Variants in UNC13B observed in about 807,000 individuals in gnomAD.
UNC13B encodes the protein protein unc-13 homolog B.
UNC13B carries 144 observed loss-of-function variants against 211.0 expected under a neutral mutation model. The ratio of observed to expected loss-of-function variants is 0.68; its 90% CI spans 0.60 to 0.78. The LOEUF is 0.78. Among genes scored for constraint, UNC13B ranks in the 30% least tolerant of loss-of-function variants. UNC13B has a pLI of 0.00. For synonymous variants in UNC13B, 709 were observed against 725.8 expected (o/e 0.98, Z 0.37); for missense variants, 1,777 against 2,002.0 (o/e 0.89, Z 2.14).
intron 1 of UNC13B, among the ~76,000 whole-genome samples, chr9:35,189,725 AAAGG>A: frequency 6.6e-6 from 1 of 152,292 alleles, no homozygotes; most frequent in East Asian, 1.9e-4. Flanking sequence ...GCTGGAGTGC[AAAGG>A]CGTGATCCCG....
chr9:35,311,289 T>C (rs1830169813), intron 10 of UNC13B, among the ~76,000 whole-genome samples: 1 of 152,210 alleles, frequency 6.6e-6, no homozygotes, highest in Non-Finnish European at 1.5e-5. Context: ...GGGTTCTTTG[T>C]AGTTAGTGAG....
At chr9:35,384,367 G>C (rs990778021) in intron 22 of UNC13B, 53 bp downstream of exon 22, 1 of 1,584,872 alleles carries the variant, frequency 6.3e-7, no homozygotes, top group Admixed American at 1.7e-5. Context: ...CACGGTCCCA[G>C]AGAGACTGTA....
chr9:35,227,981 C>T (rs1386358313), intron 1 of UNC13B, 34 bp from the exon 2 acceptor site: 2 of 1,604,602 alleles, frequency 1.2e-6, no homozygotes, highest in Non-Finnish European at 8.5e-7. Flanking sequence ...AACTTGGAAA[C>T]ATTCTTCATG....
rs1241191215 is a variant in UNC13B, at chr9:35,404,006, G to A, written c.12996G>A (p.Glu4332=). 6 of 1,613,718 alleles carry A rather than the reference G, an allele frequency of 3.7e-6. No individual in the cohort carries two copies. The highest frequency in any genetic ancestry group is 1.3e-5 in the African/African-American group (1 of 74,900). Residue 4332 remains glutamate (E), a synonymous_variant, in exon 40 of 40, where the codon GAG becomes GAA. Coordinates refer to ENST00000635942, the MANE Select transcript of UNC13B (RefSeq NM_001371189.2). ...GAGAATTTGTGAAACTCAAATCAGA[G>A]TCTCGTTCCACGGAGGAGGGGAGCT... ...VAREFVKLKS[E]SRSTEEGS
intron 24 of UNC13B, among the ~76,000 whole-genome samples, chr9:35,389,033 C>T (rs1340489626): frequency 6.6e-6 from 1 of 152,206 alleles, no homozygotes; most frequent in Non-Finnish European, 1.5e-5. Context: ...TTATTAAGGA[C>T]TGTGGAAGCT....
intron 35 of UNC13B, 37 bp downstream of exon 35, chr9:35,399,485 CCTT>C: frequency 1.2e-6 from 2 of 1,613,594 alleles, no homozygotes; most frequent in Non-Finnish European, 1.7e-6. Flanking sequence ...CAGGTGTGGT[CCTT>C]CTGAAGTCAT....
In UNC13B at chr9:35,201,602, GATTTTCTAGTTT is replaced by G. The variant is rs1823295291; in HGVS notation, c.23-26408_23-26397del. The stretch of plus-strand genomic sequence containing the variant: ...TCGAGGAATTTATCCTTTTCCTCTA[GATTTTCTAGTTT>G]ATTTGCATAGAGGTGTTTATATTAT... On this transcript the variant is annotated intron_variant, in intron 1 of 39. Coordinates refer to ENST00000635942, the MANE Select transcript of UNC13B (RefSeq NM_001371189.2). Among the ~76,000 whole-genome samples, 5 of 152,262 alleles carry G rather than the reference GATTTTCTAGTTT, an allele frequency of 3.3e-5. 1 individual carries two copies. In the South Asian group the frequency reaches 1.0e-3, roughly 32 times the overall value.
At chr9:35,326,406 G>T (rs1831020748) in intron 11 of UNC13B, among the ~76,000 whole-genome samples, 1 of 152,112 alleles carries the variant, frequency 6.6e-6, no homozygotes, top group Non-Finnish European at 1.5e-5. Context: ...GGTTTAATTT[G>T]TTAATTTTAG....
intron 11 of UNC13B, among the ~76,000 whole-genome samples, chr9:35,317,667 C>T (rs972605240): frequency 6.7e-6 from 1 of 149,556 alleles, no homozygotes; most frequent in African/African-American, 2.5e-5. Context: ...GGACTACAGG[C>T]GTGGGCCACC....
At position 35,224,260 on chromosome 9, in the gene UNC13B, AT is replaced by A. The variant is rs1379477923; in HGVS notation, c.23-3753del. ...TGGATAATACAGTCATTTTAACAAT[AT>A]TCTTAGAGCCTATTTGCATAGTACG... On this transcript the variant is annotated intron_variant, in intron 1 of 39. Transcript: ENST00000635942. Among the ~76,000 whole-genome samples the A allele has an allele frequency of 2.0e-5, 3 of 152,302 alleles. No homozygotes were observed. In the East Asian group the frequency reaches 5.8e-4, roughly 29 times the overall value.
At position 35,303,926 on chromosome 9, in the gene UNC13B, G is replaced by T; in HGVS notation, c.4522G>T (p.Glu1508Ter). 2.5e-6 allele frequency: 1 copy of T among 398,794 alleles called. No homozygotes were observed. The highest frequency in any genetic ancestry group is 4.4e-6 in the Non-Finnish European group (1 of 225,866). The allele number at this position is 398,794 out of a possible 1,614,324, so 24.7% of individuals were successfully genotyped here. ...ENFVFSSFGY[E>*]YQEWLSCLEH... is the part of the protein sequence containing the mutation. Reference sequence around the variant, plus strand: ...CTTTGTTTTTTCAAGTTTTGGTTATGAGTACCAGGAATGGTTGTCATGTCT... The same window carrying T: ...CTTTGTTTTTTCAAGTTTTGGTTATTAGTACCAGGAATGGTTGTCATGTCT... Residue 1508 changes from glutamate (E) to a stop codon, truncating the protein, a stop_gained, in exon 9 of 40, where the codon GAG (glutamate) becomes TAG (stop). Coordinates refer to ENST00000635942, the MANE Select transcript of UNC13B (RefSeq NM_001371189.2). LOFTEE classifies it high-confidence loss of function.
intron 11 of UNC13B, chr9:35,351,448 T>A: frequency 8.1e-7 from 1 of 1,231,310 alleles, no homozygotes; most frequent in Non-Finnish European, 1.0e-6. Flanking sequence ...GCTGTTGCCT[T>A]CCAAGGTAAT....
intron 1 of UNC13B, among the ~76,000 whole-genome samples, chr9:35,216,729 C>T (rs930511950): frequency 6.6e-6 from 1 of 151,908 alleles, no homozygotes; most frequent in Non-Finnish European, 1.5e-5. Context: ...AAAAAGAAAA[C>T]GGAAAATAGA....
intron 1 of UNC13B, among the ~76,000 whole-genome samples, chr9:35,208,028 T>C (rs1487969582): frequency 1.3e-5 from 2 of 152,230 alleles, no homozygotes; most frequent in Non-Finnish European, 1.5e-5. Flanking sequence ...TTTTACAAAA[T>C]GTATTATGTA....
chr9:35,211,930 C>T (rs1305019968), intron 1 of UNC13B, among the ~76,000 whole-genome samples: 2 of 152,182 alleles, frequency 1.3e-5, no homozygotes, highest in African/African-American at 2.4e-5. Flanking sequence ...GCCTTGAACT[C>T]CTGGGCTCAA....
rs551666848 is a variant in UNC13B, at chr9:35,293,005, C to T, written c.527-2691C>T. On this transcript the variant is annotated intron_variant, in intron 7 of 39. Transcript: ENST00000635942. ...GTGTTACATATTTTCCTGAATTTCC[C>T]TTTTTAGTTTCTAATCAGGCTTGGT... Among the ~76,000 whole-genome samples, 5 of 152,302 alleles carry T rather than the reference C, an allele frequency of 3.3e-5. No homozygotes were observed. The East Asian group carries it at 9.6e-4, about 29-fold the overall frequency.
intron 1 of UNC13B, among the ~76,000 whole-genome samples, chr9:35,187,818 A>G (rs1301509433): frequency 6.6e-6 from 1 of 152,210 alleles, no homozygotes; most frequent in East Asian, 1.9e-4. Context: ...TACTGACTAC[A>G]GGTCAGAAAC....
chr9:35,251,814 G>T (rs1434641983), intron 6 of UNC13B, among the ~76,000 whole-genome samples: 3 of 152,064 alleles, frequency 2.0e-5, no homozygotes, highest in African/African-American at 7.2e-5. Context: ...GATAAGATGT[G>T]CCCATTTGGC....
At chr9:35,351,578 C>T in intron 11 of UNC13B, 1 of 1,232,310 alleles carries the variant, frequency 8.1e-7, no homozygotes, top group Non-Finnish European at 1.0e-6. Context: ...TACCTTGGGA[C>T]CCTCCTCCAG....
Sources: allele counts gnomAD v4.1 joint callset (sites outside exome capture counted in the v4.1 genomes callset), GRCh38; gene constraint gnomAD v4.1.1; transcripts MANE v1.5; gene names NCBI Gene and HGNC (gene_info 2026-07-23, HGNC 2026-07-21).